Variants in RHBG observed in about 807,000 individuals in gnomAD.
The protein encoded by RHBG is Rh family B glycoprotein.
In RHBG, 39 loss-of-function variants were observed where a neutral mutation model predicts 40.1. That is an observed-to-expected ratio of 0.97 (90% CI 0.75 to 1.27). RHBG has a LOEUF of 1.27. Among genes scored for constraint, RHBG ranks in the 50% most tolerant of loss-of-function variants. RHBG has a pLI of 0.00. For synonymous variants in RHBG, 237 were observed against 252.5 expected (o/e 0.94, Z 0.58); for missense variants, 549 against 588.1 (o/e 0.93, Z 0.69).
At chr1:156,374,736 G>A (rs150860287) in intron 1 of RHBG, 52 of 300,606 alleles carry the variant, frequency 1.7e-4, no homozygotes, top group African/African-American at 8.8e-4. Flanking sequence ...ACAGGTACCC[G>A]CCACCACACC....
intron 1 of RHBG, chr1:156,374,587 A>ATT (rs34071665): frequency 0.25 from 90,743 of 364,720 alleles, 9,758 homozygotes; most frequent in Non-Finnish European, 0.29. Flanking sequence ...ACAGGATTCC[A>ATT]TTTTTTTTTT....
chr1:156,383,741 A>C (rs180744612), intron 8 of RHBG, among the ~76,000 whole-genome samples: 194 of 137,660 alleles, frequency 1.4e-3, no homozygotes, highest in African/African-American at 4.9e-3. Flanking sequence ...GTTAGCCAGG[A>C]TGGTCTCAAT....
intron 4 of RHBG, among the ~76,000 whole-genome samples, chr1:156,378,621 T>C (rs1667397845): frequency 6.6e-6 from 1 of 152,076 alleles, no homozygotes; most frequent in Non-Finnish European, 1.5e-5. Flanking sequence ...CCTGGGTCCT[T>C]TCTAAATCCA....
intron 1 of RHBG, chr1:156,374,626 GC>G: frequency 2.5e-6 from 1 of 398,438 alleles, no homozygotes. Flanking sequence ...CGCTCTTGTT[GC>G]CCAGGCTGGA....
In RHBG at chr1:156,382,820, C is replaced by G. The variant is rs369218158; in HGVS notation, c.1185C>G (p.Phe395Leu). The change falls in exon 8 of 10, where the codon TTC (phenylalanine) becomes TTG (leucine). Residue 395 changes from phenylalanine (F) to leucine (L), a missense_variant. Around this residue, in one of 3 missense-constraint regions of RHBG, gnomAD observed 399 missense variants for 417.0 expected, o/e 0.96. Transcript: ENST00000537040. ...CGTCACAGGCCATGCACCAGCTCTTCGGGCTGTTTGTCACACTGATGTTTG... is the reference window on the plus strand; with the variant it reads ...CGTCACAGGCCATGCACCAGCTCTTGGGGCTGTTTGTCACACTGATGTTTG... ...SATSQAMHQL[F>L]GLFVTLMFAS... The G allele has an allele frequency of 6.2e-7, 1 of 1,614,120 alleles. No homozygotes were observed. Among genetic ancestry groups the G allele is most frequent in the African/African-American group, 1.3e-5 (1 of 74,938 alleles).
At chr1:156,379,021 G>A (rs1667431947) in intron 4 of RHBG, among the ~76,000 whole-genome samples, 1 of 149,040 alleles carries the variant, frequency 6.7e-6, no homozygotes, top group African/African-American at 2.5e-5. Context: ...TTGAGACAGA[G>A]TCTTGCTCTG....
In RHBG at chr1:156,381,845, G is replaced by T; in HGVS notation, c.880G>T (p.Val294Leu). 6.3e-7 allele frequency: 1 copy of T among 1,597,434 alleles called. No individual in the cohort carries two copies. The highest frequency in any genetic ancestry group is 8.5e-7 in the Non-Finnish European group (1 of 1,176,118). ...TGCAGCGCTGGCTGGAGGGGTTGTG[G>T]TGGGGACCTCAAGTGAAATGATGCT... is the stretch of plus-strand genomic sequence containing the variant. ...QNAALAGGVVVGTSSEMMLTP... is the reference protein window; with the variant it reads ...QNAALAGGVVLGTSSEMMLTP... Residue 294 changes from valine to leucine, a missense_variant, in exon 6 of 10, where the codon GTG (valine) becomes TTG (leucine). By Grantham distance (32) the Val-to-Leu change is conservative. Transcript: ENST00000537040.
intron 1 of RHBG, among the ~76,000 whole-genome samples, chr1:156,373,439 G>A (rs993674133): frequency 3.1e-5 from 4 of 128,658 alleles, no homozygotes; most frequent in South Asian, 2.9e-4. Flanking sequence ...AAATAAAAAA[G>A]TGTATGGATT....
Position 156,377,524 on chromosome 1 carries a change from A to G in RHBG, c.374+37A>G, listed in dbSNP as rs1667301963. 2.5e-6 allele frequency: 4 copies of G among 1,581,686 alleles called. No individual in the cohort carries two copies. In the African/African-American group the frequency reaches 5.4e-5, roughly 21 times the overall value. On this transcript the variant is annotated intron_variant, in intron 2 of 9. Transcript: ENST00000537040. This position sits in a 1 kb window ranked among gnomAD's most constrained non-coding sequence, Gnocchi z 4.6. Reference sequence around the variant, plus strand: ...CCACCCACCCAGCTCCCCAAGGTTCACTCGGGAGGCCCCTGCCCATGGGCC... The same window carrying G: ...CCACCCACCCAGCTCCCCAAGGTTCGCTCGGGAGGCCCCTGCCCATGGGCC...
rs1312831442 is a variant in RHBG, at chr1:156,371,282, C to G, written c.187+1846C>G. 5 of 312,192 alleles carry G rather than the reference C, an allele frequency of 1.6e-5. No individual in the cohort carries two copies. In the Admixed American group the frequency reaches 2.3e-4, roughly 14 times the overall value. The allele number at this position is 312,192 out of a possible 1,614,324, so 19.3% of individuals were successfully genotyped here. A position where few individuals can be genotyped will look rare whatever the true frequency, so the allele number is the denominator to read the frequency against. ...TCAAGCGATTCACCCGCCTCAGCCT[C>G]CCGAGAAGCTGGGATTACAGGCACC... On this transcript the variant is annotated intron_variant, in intron 1 of 9. Coordinates refer to ENST00000537040, the MANE Select transcript of RHBG (RefSeq NM_020407.5).
intron 1 of RHBG, chr1:156,371,180 A>G (rs76319808): frequency 1.1e-5 from 4 of 377,912 alleles, no homozygotes; most frequent in African/African-American, 1.0e-4. Flanking sequence ...TTTTTTTTTT[A>G]GAAGAGTCTC....
At position 156,384,180 on chromosome 1, in the gene RHBG, G is replaced by A. The variant is rs553500737; in HGVS notation, c.1235-347G>A. ...CCTCCTGTGTGGGAGGCCATAGAAA[G>A]CTCAGCAGCTGTGGTTCATGATGGA... On this transcript the variant is annotated intron_variant, in intron 8 of 9. Transcript: ENST00000537040. 2.5e-4 allele frequency among the ~76,000 whole-genome samples: 38 copies of A among 152,316 alleles called. 1 individual carries two copies. Among genetic ancestry groups the A allele is most frequent in the African/African-American group, 8.9e-4 (37 of 41,564 alleles).
chr1:156,374,587 A>AC, intron 1 of RHBG: 1 of 380,778 alleles, frequency 2.6e-6, no homozygotes, highest in Non-Finnish European at 5.1e-6. Context: ...ACAGGATTCC[A>AC]TTTTTTTTTT....
chr1:156,383,083 G>T (rs557653222), intron 8 of RHBG, among the ~76,000 whole-genome samples: 1 of 152,196 alleles, frequency 6.6e-6, no homozygotes, highest in Non-Finnish European at 1.5e-5. Flanking sequence ...GAGTCCGCGA[G>T]GGGTGAGCGA....
chr1:156,382,639 C>A lies in RHBG; in HGVS notation c.1113-109C>A, dbSNP rs535152689. ...GCATGCACCCTCGAGACCCTCTTGG[C>A]CACTTCCTGTTCCCCAGTGTGAGTT... On this transcript the variant is annotated intron_variant, in intron 7 of 9. Coordinates refer to ENST00000537040, the MANE Select transcript of RHBG (RefSeq NM_020407.5). 6.0e-4 allele frequency: 830 copies of A among 1,382,676 alleles called. 1 individual carries two copies. The highest frequency in any genetic ancestry group is 8.0e-4 in the Non-Finnish European group (792 of 995,236). 85.7% of individuals were successfully genotyped at this position (1,382,676 alleles called of 1,614,324 possible).
chr1:156,377,136 G>T lies in RHBG; in HGVS notation c.188-165G>T, dbSNP rs904987742. On this transcript the variant is annotated intron_variant, in intron 1 of 9. Coordinates refer to ENST00000537040, the MANE Select transcript of RHBG (RefSeq NM_020407.5). The surrounding 1 kb of genome is among the most constrained non-coding windows in gnomAD (Gnocchi z 4.6). ...CTCCAAGCTGGCCAGCTCTGCGCAG[G>T]TGGCTCAGGGCTGGGAGCCCCTGAC... Among the ~76,000 whole-genome samples the T allele has an allele frequency of 6.6e-6, 1 of 152,228 alleles. No individual in the cohort carries two copies. Among genetic ancestry groups the T allele is most frequent in the South Asian group, 2.1e-4 (1 of 4,836 alleles).
chr1:156,377,356 C>T lies in RHBG; in HGVS notation c.243C>T (p.Phe81=). 1 of 1,614,168 alleles carries T rather than the reference C, an allele frequency of 6.2e-7. No individual in the cohort carries two copies. The highest frequency in any genetic ancestry group is 8.5e-7 in the Non-Finnish European group (1 of 1,179,982). ...TGGGCTTTGGCTTCCTCATGGTCTTCCTGCAGCGTTACGGCTTCAGCAGCG... is the reference window on the plus strand; with the variant it reads ...TGGGCTTTGGCTTCCTCATGGTCTTTCTGCAGCGTTACGGCTTCAGCAGCG... ...VFVGFGFLMV[F]LQRYGFSSVG... Residue 81 remains phenylalanine, a synonymous_variant, in exon 2 of 10, where the codon TTC becomes TTT. Coordinates refer to ENST00000537040, the MANE Select transcript of RHBG (RefSeq NM_020407.5). The surrounding 1 kb of genome is among the most constrained non-coding windows in gnomAD (Gnocchi z 4.6).
chr1:156,381,262 G>A, intron 4 of RHBG, 85 bp from the exon 5 acceptor site: 2 of 1,377,538 alleles, frequency 1.5e-6, no homozygotes, highest in Non-Finnish European at 2.0e-6. Context: ...GCTGAGGGTA[G>A]GTGATTTGCC....
chr1:156,375,470 A>AT (rs1667130590), intron 1 of RHBG, among the ~76,000 whole-genome samples: 1 of 143,364 alleles, frequency 7.0e-6, no homozygotes, highest in African/African-American at 2.6e-5. Context: ...AAAAAAAAAA[A>AT]GCATAAAAGC....
Sources: gnomAD v4.1 joint callset for allele counts (sites outside exome capture counted in the v4.1 genomes callset) on GRCh38, gnomAD v4.1.1 for gene constraint, gnomAD v4.1.1 regional missense constraint, Gnocchi (gnomAD v3.1) non-coding constraint, MANE v1.5 for transcripts, NCBI Gene and HGNC (gene_info 2026-07-23, HGNC 2026-07-21) for gene names.